TAFA1: variants seen among roughly 807,000 people sequenced by gnomAD.
TAFA1 encodes the protein TAFA chemokine like family member 1.
A neutral mutation model predicts 18.5 loss-of-function variants in TAFA1; 4 were observed. The observed-to-expected ratio is 0.22, with a 90% CI of 0.11 to 0.49. The LOEUF (loss-of-function observed/expected upper bound fraction) is 0.49, where lower values mean the gene tolerates loss of function less well. Among genes scored for constraint, TAFA1 ranks in the 20% least tolerant of loss-of-function variants. TAFA1 has a pLI of 0.98. For missense variants in TAFA1, 147 were observed against 169.0 expected (o/e 0.87, Z 0.72); for synonymous variants, 56 against 55.2 (o/e 1.01, Z -0.06).
chr3:68,380,984 A>T (rs1260479952), intron 2 of TAFA1, among the ~76,000 whole-genome samples: 1 of 148,752 alleles, frequency 6.7e-6, no homozygotes, highest in African/African-American at 2.5e-5. Flanking sequence ...AGCTTTCTAC[A>T]TATGGCTAGC....
At chr3:68,165,409 C>T (rs936432998) in intron 2 of TAFA1, among the ~76,000 whole-genome samples, 2 of 152,152 alleles carry the variant, frequency 1.3e-5, no homozygotes, top group African/African-American at 4.8e-5. Context: ...TAATTTGTCT[C>T]AGGAGAAATA....
chr3:68,162,748 G>A (rs977335347), intron 2 of TAFA1, among the ~76,000 whole-genome samples: 4 of 152,158 alleles, frequency 2.6e-5, no homozygotes, highest in African/African-American at 9.7e-5. Flanking sequence ...AATATTTTAA[G>A]CCCAGACAAG....
intron 2 of TAFA1, among the ~76,000 whole-genome samples, chr3:68,170,879 C>A (rs1260419900): frequency 1.3e-5 from 2 of 151,724 alleles, no homozygotes; most frequent in African/African-American, 2.4e-5. Flanking sequence ...CACACACACA[C>A]ACACACGTAC....
chr3:68,263,598 A>G (rs2067481264), intron 2 of TAFA1, among the ~76,000 whole-genome samples: 1 of 151,966 alleles, frequency 6.6e-6, no homozygotes, highest in Non-Finnish European at 1.5e-5. Flanking sequence ...CAGAACAAGT[A>G]ATGAAGCTGA....
chr3:68,283,463 A>G (rs1487466627), intron 2 of TAFA1, among the ~76,000 whole-genome samples: 1 of 152,200 alleles, frequency 6.6e-6, no homozygotes, highest in African/African-American at 2.4e-5. Flanking sequence ...CTCTAAATCT[A>G]ATACATTCCT....
chr3:68,307,742 A>G (rs1039937747), intron 2 of TAFA1, among the ~76,000 whole-genome samples: 1 of 152,184 alleles, frequency 6.6e-6, no homozygotes, highest in Admixed American at 6.5e-5. Flanking sequence ...TATTAGTTTC[A>G]TCTGGAGAGT....
intron 2 of TAFA1, among the ~76,000 whole-genome samples, chr3:68,382,669 T>G (rs917427976): frequency 2.6e-5 from 4 of 152,132 alleles, no homozygotes; most frequent in African/African-American, 9.7e-5. Context: ...TTGTTCTTTT[T>G]GCTTAGGATT....
chr3:68,072,337 T>G (rs2064765811), intron 2 of TAFA1, among the ~76,000 whole-genome samples: 1 of 151,956 alleles, frequency 6.6e-6, no homozygotes, highest in Non-Finnish European at 1.5e-5. Flanking sequence ...GTTAGAGAAG[T>G]AGGTAGAGGT....
chr3:68,492,272 T>C (rs2072467634), intron 3 of TAFA1, among the ~76,000 whole-genome samples: 1 of 152,216 alleles, frequency 6.6e-6, no homozygotes, highest in Non-Finnish European at 1.5e-5. Flanking sequence ...TTAAGCAGAA[T>C]TGCCTTCTTA....
At chr3:68,362,610 A>G (rs2069489309) in intron 2 of TAFA1, among the ~76,000 whole-genome samples, 2 of 152,140 alleles carry the variant, frequency 1.3e-5, no homozygotes, top group African/African-American at 2.4e-5. Context: ...AAATAACAGG[A>G]GGTTAGGTTC....
intron 2 of TAFA1, among the ~76,000 whole-genome samples, chr3:68,091,809 C>T (rs1028866076): frequency 2.0e-5 from 3 of 152,048 alleles, no homozygotes; most frequent in African/African-American, 4.8e-5. Flanking sequence ...ATGCTGGGAT[C>T]GAGACAAGAA....
At chr3:68,503,636 C>G (rs1022548356) in intron 3 of TAFA1, among the ~76,000 whole-genome samples, 2 of 152,090 alleles carry the variant, frequency 1.3e-5, no homozygotes, top group Admixed American at 6.6e-5. Flanking sequence ...ATACTCAAAG[C>G]CACTGATTTG....
intron 2 of TAFA1, among the ~76,000 whole-genome samples, chr3:68,250,125 T>G (rs1454732670): frequency 6.6e-6 from 1 of 152,144 alleles, no homozygotes; most frequent in Non-Finnish European, 1.5e-5. Context: ...ACTTATAGCT[T>G]TGTCCCCGCC....
chr3:68,244,727 A>C (rs2067043979), intron 2 of TAFA1, among the ~76,000 whole-genome samples: 1 of 152,178 alleles, frequency 6.6e-6, no homozygotes, highest in Non-Finnish European at 1.5e-5. Flanking sequence ...CATGTCCTGC[A>C]TAAAAATAAT....
At chr3:68,126,704 C>A (rs1453085587) in intron 2 of TAFA1, among the ~76,000 whole-genome samples, 1 of 152,120 alleles carries the variant, frequency 6.6e-6, no homozygotes, top group Non-Finnish European at 1.5e-5. Flanking sequence ...CATCATGGGG[C>A]AATATTTGGG....
At chr3:68,075,115 C>G (rs951623427) in intron 2 of TAFA1, among the ~76,000 whole-genome samples, 4 of 152,182 alleles carry the variant, frequency 2.6e-5, no homozygotes, top group African/African-American at 9.7e-5. Context: ...TAACTTTTGC[C>G]TATTTCTTTT....
intron 2 of TAFA1, among the ~76,000 whole-genome samples, chr3:68,286,958 C>T (rs1442805121): frequency 6.6e-6 from 1 of 152,178 alleles, no homozygotes; most frequent in Admixed American, 6.5e-5. Flanking sequence ...GGAACAGAGG[C>T]TCATCGCACT....
At chr3:68,170,423 A>T (rs889946856) in intron 2 of TAFA1, among the ~76,000 whole-genome samples, 23 of 152,212 alleles carry the variant, frequency 1.5e-4, no homozygotes, top group Admixed American at 5.9e-4. Context: ...AATCAATTGC[A>T]GTTGTTTAAT....
intron 2 of TAFA1, among the ~76,000 whole-genome samples, chr3:68,139,371 A>G (rs2065643317): frequency 6.6e-6 from 1 of 152,180 alleles, no homozygotes; most frequent in South Asian, 2.1e-4. Context: ...CCCACCTAAC[A>G]CCAATGTAAT....
Sources: allele counts gnomAD v4.1 joint callset (sites outside exome capture counted in the v4.1 genomes callset), GRCh38; gene constraint gnomAD v4.1.1; transcripts MANE v1.5; gene names NCBI Gene and HGNC (gene_info 2026-07-23, HGNC 2026-07-21).